The following DNAH5 variants were observed in gnomAD, a reference collection of about 807,000 sequenced individuals.
The protein encoded by DNAH5 is dynein axonemal heavy chain 5.
Under a neutral mutation model 518.2 loss-of-function variants are expected in DNAH5, and 372 were observed. The observed-to-expected ratio is 0.72, with a 90% CI of 0.66 to 0.78. DNAH5 has a LOEUF of 0.78. DNAH5 is among the 30% of genes least tolerant of loss of function. The pLI, the probability that DNAH5 is intolerant of heterozygous loss-of-function variation, is 0.00. For missense variants in DNAH5, 5,523 were observed against 5,687.0 expected (o/e 0.97, Z 0.93); for synonymous variants, 2,039 against 2,025.9 (o/e 1.01, Z -0.17).
At position 13,817,618 on chromosome 5, in the gene DNAH5, G is replaced by A. The variant is rs1437248302; in HGVS notation, c.6918C>T (p.Asp2306=). Residue 2306 remains aspartate, a synonymous_variant, in exon 42 of 79, where the codon GAC becomes GAT. Coordinates refer to ENST00000265104, the MANE Select transcript of DNAH5 (RefSeq NM_001369.3). ...CATCAGTCCAGTCATTTGTGGCAAC[G>A]TCCAGCCGACCAAACATCTGTGGGG... ...ITAPQMFGRL[D]VATNDWTDGI... 6 of 1,613,966 alleles carry A rather than the reference G, an allele frequency of 3.7e-6. No individual in the cohort carries two copies. Among genetic ancestry groups the A allele is most frequent in the East Asian group, 4.5e-5 (2 of 44,888 alleles).
chr5:13,966,900 C>T lies in DNAH5; in HGVS notation c.13-35656G>A, dbSNP rs560166377. On this transcript the variant is annotated intron_variant, in intron 1 of 78. Coordinates refer to the DNAH5 transcript ENST00000681290. ...GTTTTTTGAGACAGTCTTGCTCTGTCGCCCAGGCTGGAGTGCAGTGGTGTG... is the reference window on the plus strand; with the variant it reads ...GTTTTTTGAGACAGTCTTGCTCTGTTGCCCAGGCTGGAGTGCAGTGGTGTG... 2.4e-4 allele frequency among the ~76,000 whole-genome samples: 37 copies of T among 152,228 alleles called. No individual in the cohort carries two copies. The East Asian group carries it at 5.8e-3, about 24-fold the overall frequency.
intron 1 of DNAH5, among the ~76,000 whole-genome samples, chr5:13,982,168 C>T (rs1782717976): frequency 1.3e-5 from 2 of 152,360 alleles, no homozygotes; most frequent in Admixed American, 6.5e-5. Flanking sequence ...AAGATCTATA[C>T]TTTCTCTTAT....
At position 13,786,297 on chromosome 5, in the gene DNAH5, T is replaced by G; in HGVS notation, c.8702A>C (p.Glu2901Ala). Residue 2901 changes from glutamate (E) to alanine (A), a missense_variant, in exon 52 of 79, where the codon GAA becomes GCA. Glu to Ala is a moderately radical substitution (Grantham distance 107, BLOSUM62 -1). Around this residue, in one of 3 missense-constraint regions of DNAH5, gnomAD observed 5,121 missense variants for 5,223.3 expected, o/e 0.98. Transcript: ENST00000265104. Reference protein sequence around the residue: ...AETPKIYEPIESFSHLKERLN... With the variant: ...AETPKIYEPIASFSHLKERLN... ...ACGCTCTTTTAGGTGACTAAAAGAT[T>G]CAATTGGCTCATAAATTTTAGGTGT... is the stretch of plus-strand genomic sequence containing the variant. The G allele has an allele frequency of 6.2e-7, 1 of 1,614,140 alleles. No homozygotes were observed. Among genetic ancestry groups the G allele is most frequent in the African/African-American group, 1.3e-5 (1 of 75,060 alleles).
In DNAH5 at chr5:13,902,116, T is replaced by C. The variant is rs1774708439; in HGVS notation, c.1667A>G (p.Asp556Gly). 4 of 1,608,456 alleles carry C rather than the reference T, an allele frequency of 2.5e-6. No homozygotes were observed. The highest frequency in any genetic ancestry group is 2.2e-5 in the East Asian group (1 of 44,788). ...GTTTTGAATCTTTGCAAATGTAACA[T>C]CCATGAACTTCCGCAACTCGTTCTA... is the stretch of plus-strand genomic sequence containing the variant. ...DLHNELRKFM[D>G]VTFAKIQNTN... is the part of the protein sequence containing the mutation. The change falls in exon 13 of 79, where the codon GAT becomes GGT. Residue 556 changes from aspartate to glycine, a missense_variant. Physicochemically the swap from Asp to Gly is moderately conservative, Grantham distance 94. Coordinates refer to ENST00000265104, the MANE Select transcript of DNAH5 (RefSeq NM_001369.3).
At chr5:14,001,492 T>C (rs1230707148) in intron 1 of DNAH5, among the ~76,000 whole-genome samples, 2 of 151,854 alleles carry the variant, frequency 1.3e-5, no homozygotes, top group East Asian at 3.9e-4. Flanking sequence ...GCCTCCTGAG[T>C]AGCTGGGACT....
At chr5:13,753,147 T>C (rs1264443533) in intron 63 of DNAH5, 86 bp downstream of exon 63, 2 of 1,007,178 alleles carry the variant, frequency 2.0e-6, no homozygotes, top group South Asian at 2.7e-5. Context: ...TCTAGTGTTT[T>C]CAAATATTTC....
At chr5:13,924,719 ATTG>A (rs1777676806) in intron 3 of DNAH5, among the ~76,000 whole-genome samples, 1 of 152,140 alleles carries the variant, frequency 6.6e-6, no homozygotes, top group Non-Finnish European at 1.5e-5. Context: ...AGCATCTGAA[ATTG>A]TTGTGAAAAT....
Position 13,727,656 on chromosome 5 carries a change from T to G in DNAH5, c.11884A>C (p.Ile3962Leu). The G allele has an allele frequency of 6.2e-7, 1 of 1,613,738 alleles. No individual in the cohort carries two copies. Among genetic ancestry groups the G allele is most frequent in the African/African-American group, 1.3e-5 (1 of 75,042 alleles). The change falls in exon 70 of 79, where the codon ATA becomes CTA. Residue 3962 changes from isoleucine (I) to leucine (L), a missense_variant and splice_region_variant. By Grantham distance (5) the Ile-to-Leu change is conservative. Around this residue, in one of 3 missense-constraint regions of DNAH5, gnomAD observed 5,121 missense variants for 5,223.3 expected, o/e 0.98. Transcript: ENST00000265104. ...LRQFSDVLDQ[I>L]SRNEKMWKIW... ...TTCCACATTTTCTCATTTCTCGATA[T>G]CTGAAAATACCATGGGATAAAAACT...
intron 1 of DNAH5, among the ~76,000 whole-genome samples, chr5:13,956,694 G>A (rs1780786435): frequency 6.6e-6 from 1 of 152,180 alleles, no homozygotes; most frequent in African/African-American, 2.4e-5. Context: ...AGCAGAGACC[G>A]AAGTGTGAGG....
chr5:13,771,240 T>G (rs936691086), intron 55 of DNAH5: 1 of 469,266 alleles, frequency 2.1e-6, no homozygotes. Flanking sequence ...CAGAGACATC[T>G]CTTCTACACA....
At position 13,752,251 on chromosome 5, in the gene DNAH5, CA is replaced by C. The variant is rs769691189; in HGVS notation, c.10910del (p.Leu3637ArgfsTer20). 3.1e-6 allele frequency: 5 copies of C among 1,614,008 alleles called. No homozygotes were observed. The African/African-American group carries it at 5.3e-5, about 17-fold the overall frequency. ...SLNHKYFRNH[L>X]EDSLSLGRPL... ...GCCTTCCAAGAGAAAGGCTGTCTTC[CA>C]GGTGGTTTCTGAAGTACTTGTGATT... On this transcript the variant is annotated frameshift_variant, in exon 64 of 79. Coordinates refer to ENST00000265104, the MANE Select transcript of DNAH5 (RefSeq NM_001369.3). LOFTEE classifies it high-confidence loss of function.
chr5:13,976,689 GTA>G (rs1216182959), intron 1 of DNAH5, among the ~76,000 whole-genome samples: 5,400 of 137,882 alleles, frequency 0.039, 351 homozygotes, highest in African/African-American at 0.14. Context: ...GTGTGTGTGT[GTA>G]TATATATATA....
Position 13,840,926 on chromosome 5 carries a change from T to C in DNAH5, c.5689A>G (p.Arg1897Gly). Residue 1897 changes from arginine (R) to glycine (G), a missense_variant, in exon 34 of 79, where the codon AGG becomes GGG. By Grantham distance (125) the Arg-to-Gly change is moderately radical (BLOSUM62 -2). Around this residue, in one of 3 missense-constraint regions of DNAH5, gnomAD observed 5,121 missense variants for 5,223.3 expected, o/e 0.98. Coordinates refer to ENST00000265104, the MANE Select transcript of DNAH5 (RefSeq NM_001369.3). ...TTTACCAGGTCATCAAAGATATCCCTTTGGTGCACATGAATAGTAATCAGA... is the reference window on the plus strand; with the variant it reads ...TTTACCAGGTCATCAAAGATATCCCCTTGGTGCACATGAATAGTAATCAGA... ...ETLITIHVHQ[R>G]DIFDDLCHMH... The C allele has an allele frequency of 6.2e-7, 1 of 1,614,068 alleles. No homozygotes were observed. The highest frequency in any genetic ancestry group is 8.5e-7 in the Non-Finnish European group (1 of 1,179,930).
chr5:13,977,356 C>T lies in DNAH5; in HGVS notation c.12+34292G>A, dbSNP rs141347964. ...GTGGGACGCACATGTCTGTCTCTCC[C>T]GTCTCTGTCCCCAGCTCCTTTCTCA... On this transcript the variant is annotated intron_variant, in intron 1 of 78. Coordinates refer to the DNAH5 transcript ENST00000681290. Among the ~76,000 whole-genome samples the T allele has an allele frequency of 5.6e-4, 86 of 152,294 alleles. 1 individual carries two copies. Among genetic ancestry groups the T allele is most frequent in the South Asian group, 8.3e-4 (4 of 4,830 alleles).
chr5:13,754,797 C>A (rs147483315), intron 61 of DNAH5, among the ~76,000 whole-genome samples: 447 of 152,196 alleles, frequency 2.9e-3, no homozygotes, highest in African/African-American at 0.01. Context: ...CTAAGCCTCC[C>A]AAAGTGCTGG....
intron 14 of DNAH5, 94 bp from the exon 15 acceptor site, chr5:13,900,506 T>A (rs1187565773): frequency 3.7e-6 from 4 of 1,069,902 alleles, no homozygotes; most frequent in Non-Finnish European, 5.6e-6. Context: ...TCATTAAATG[T>A]TCTTCCATGG....
intron 56 of DNAH5, among the ~76,000 whole-genome samples, chr5:13,770,212 A>T (rs1753145708): frequency 6.6e-6 from 1 of 152,184 alleles, no homozygotes; most frequent in Non-Finnish European, 1.5e-5. Flanking sequence ...AGAAAAGCAT[A>T]GGGCAGAGCA....
rs769853032 is a variant in DNAH5 at position 13,830,589 on chromosome 5, A to C, written c.6061+8T>G. 1.9e-6 allele frequency: 3 copies of C among 1,614,128 alleles called. No homozygotes were observed. The South Asian group carries it at 3.3e-5, about 18-fold the overall frequency. ...ATTTCTCACCAGATTAAAAAATATA[A>C]CCCATACCCTTAAAAATCCGTCCAA... is the stretch of plus-strand genomic sequence containing the variant. On this transcript the variant is annotated splice_region_variant and intron_variant, in intron 36 of 78. Coordinates refer to ENST00000265104, the MANE Select transcript of DNAH5 (RefSeq NM_001369.3).
chr5:13,859,687 A>C, intron 29 of DNAH5, 82 bp from the exon 30 acceptor site: 1 of 1,390,880 alleles, frequency 7.2e-7, no homozygotes, highest in East Asian at 2.3e-5. Context: ...TAAAAATCTT[A>C]ATTTTTAACC....
Sources: allele counts gnomAD v4.1 joint callset (sites outside exome capture counted in the v4.1 genomes callset), GRCh38; gene constraint gnomAD v4.1.1; regional missense constraint gnomAD v4.1.1; transcripts MANE v1.5; gene names NCBI Gene and HGNC (gene_info 2026-07-23, HGNC 2026-07-21).